Variants in DNAH6 observed in about 807,000 individuals in gnomAD.
DNAH6 encodes axonemal beta dynein heavy chain 6.
In DNAH6, 340 loss-of-function variants were observed where a neutral mutation model predicts 491.4. That is an observed-to-expected ratio of 0.69 (90% CI 0.63 to 0.76). The LOEUF is 0.76. DNAH6 is among the 30% of genes least tolerant of loss of function. The pLI is 0.00. For synonymous variants in DNAH6, 1,603 were observed against 1,686.1 expected (o/e 0.95, Z 1.21); for missense variants, 4,443 against 4,972.2 (o/e 0.89, Z 3.20).
chr2:84,611,213 A>T (rs73943312), intron 21 of DNAH6, among the ~76,000 whole-genome samples: 8,344 of 120,684 alleles, frequency 0.069, 745 homozygotes, highest in African/African-American at 0.31. Context: ...ACATATGCTG[A>T]CATGAGCAGG....
chr2:84,611,906 T>C (rs1686374692), intron 22 of DNAH6, 52 bp downstream of exon 22: 2 of 1,471,826 alleles, frequency 1.4e-6, no homozygotes, highest in Non-Finnish European at 1.8e-6. Flanking sequence ...TTTAGTAGTC[T>C]GGGACTTTAG....
Position 84,527,001 on chromosome 2 carries a change from GAGTT to G in DNAH6, c.399+1266_399+1269del, listed in dbSNP as rs567511672. Among the ~76,000 whole-genome samples, 19 of 152,252 alleles carry G rather than the reference GAGTT, an allele frequency of 1.2e-4. No homozygotes were observed. In the South Asian group the frequency reaches 3.9e-3, roughly 32 times the overall value. On this transcript the variant is annotated intron_variant, in intron 3 of 76. Transcript: ENST00000389394. ...GTCACTCAGTGAAGAACTCAGTAAAGAGTTAGGAATTAAAGAGAAATATGAAAAA... is the reference window on the plus strand; with the variant it reads ...GTCACTCAGTGAAGAACTCAGTAAAGAGGAATTAAAGAGAAATATGAAAAA...
intron 63 of DNAH6, among the ~76,000 whole-genome samples, chr2:84,746,014 A>G (rs1046722995): frequency 2.0e-5 from 3 of 152,204 alleles, no homozygotes; most frequent in Non-Finnish European, 2.9e-5. Flanking sequence ...GGCAACTGAT[A>G]TGGCCCCCAG....
At chr2:84,585,904 T>C (rs1307584314) in intron 15 of DNAH6, among the ~76,000 whole-genome samples, 1 of 152,186 alleles carries the variant, frequency 6.6e-6, no homozygotes, top group Non-Finnish European at 1.5e-5. Flanking sequence ...GTTCCTACAC[T>C]GGTCTGTGGG....
At chr2:84,472,259 C>T in the DNAH6 span, among the ~76,000 whole-genome samples, 19 of 151,792 alleles carry the variant, frequency 1.3e-4, no homozygotes, top group African/African-American at 4.6e-4. Context: ...TCCACTATTG[C>T]CTGTCCTTGT....
intron 35 of DNAH6, among the ~76,000 whole-genome samples, chr2:84,655,312 C>T (rs1262103061): frequency 6.6e-6 from 1 of 152,144 alleles, no homozygotes; most frequent in Non-Finnish European, 1.5e-5. Context: ...GGTACAATTC[C>T]ACCCAAAGTG....
intron 57 of DNAH6, among the ~76,000 whole-genome samples, chr2:84,715,090 A>G (rs986966081): frequency 2.6e-5 from 4 of 152,098 alleles, no homozygotes; most frequent in Non-Finnish European, 4.4e-5. Context: ...GACACACTGT[A>G]TCATAAGTAA....
chr2:84,722,690 G>T lies in DNAH6; in HGVS notation c.9858G>T (p.Val3286=), dbSNP rs1425933607. 3.2e-6 allele frequency: 5 copies of T among 1,549,940 alleles called. No homozygotes were observed. The African/African-American group carries it at 6.9e-5, about 21-fold the overall frequency. The change falls in exon 60 of 77, where the codon GTG becomes GTT. Residue 3286 remains valine, a synonymous_variant. Coordinates refer to ENST00000389394, the MANE Select transcript of DNAH6 (RefSeq NM_001370.2). ...EAESTEQMIN[V]AREKYRPVAT... Reference sequence around the variant, plus strand: ...AGTCCACTGAGCAGATGATCAATGTGGCTCGTGAGAAGTATCGTCCAGTGG... The same window carrying T: ...AGTCCACTGAGCAGATGATCAATGTTGCTCGTGAGAAGTATCGTCCAGTGG...
At chr2:84,585,851 T>G (rs1381469294) in intron 15 of DNAH6, among the ~76,000 whole-genome samples, 1 of 152,156 alleles carries the variant, frequency 6.6e-6, no homozygotes, top group Non-Finnish European at 1.5e-5. Flanking sequence ...GTGTACTGAT[T>G]GGCCCATGGG....
chr2:84,482,862 C>T, the DNAH6 span, among the ~76,000 whole-genome samples: 1 of 152,210 alleles, frequency 6.6e-6, no homozygotes, highest in African/African-American at 2.4e-5. Context: ...CAGCAGGATT[C>T]AAGCCCTGAG....
intron 64 of DNAH6, among the ~76,000 whole-genome samples, chr2:84,770,081 G>T (rs1675466943): frequency 6.6e-6 from 1 of 152,148 alleles, no homozygotes; most frequent in South Asian, 2.1e-4. Context: ...GGAAATTTTT[G>T]TTGTTGTTTC....
At chr2:84,613,610 T>C (rs766062405) in intron 22 of DNAH6, among the ~76,000 whole-genome samples, 5 of 152,090 alleles carry the variant, frequency 3.3e-5, no homozygotes, top group Admixed American at 6.6e-5. Flanking sequence ...ACCACAATTT[T>C]GGCATTTAAA....
At chr2:84,672,568 C>T (rs1366668496) in intron 40 of DNAH6, 84 bp downstream of exon 40, 3 of 1,245,098 alleles carry the variant, frequency 2.4e-6, no homozygotes, top group East Asian at 2.6e-5. Flanking sequence ...ACTACCATAA[C>T]AAAGTACCAC....
In DNAH6 at chr2:84,544,407, G is replaced by A; in HGVS notation, c.837G>A (p.Trp279Ter). Residue 279 changes from tryptophan to a stop codon, truncating the protein, a stop_gained, in exon 5 of 77, where the codon TGG becomes TGA. Coordinates refer to ENST00000389394, the MANE Select transcript of DNAH6 (RefSeq NM_001370.2). LOFTEE classifies it high-confidence loss of function. ...KIPIFSLFRKWKAFSVWRKNV... is the reference protein window; with the variant it reads ...KIPIFSLFRK ...CCATATTTTCACTGTTCCGGAAATG[G>A]AAGGCTTTTAGTGTATGGAGGAAGA... 3 of 1,544,280 alleles carry A rather than the reference G, an allele frequency of 1.9e-6. No individual in the cohort carries two copies. Among genetic ancestry groups the A allele is most frequent in the Non-Finnish European group, 2.6e-6 (3 of 1,140,436 alleles).
chr2:84,671,697 A>C (rs918276413), intron 39 of DNAH6, among the ~76,000 whole-genome samples: 4 of 152,018 alleles, frequency 2.6e-5, no homozygotes, highest in Non-Finnish European at 4.4e-5. Context: ...GGAGTGGAGC[A>C]CTCAGTTTGC....
In DNAH6 at chr2:84,602,727, TCTC is replaced by T. The variant is rs1685367608; in HGVS notation, c.2869-1609_2869-1607del. ...CTTCTGCTCTGTTTTCTGTCTCTCT[TCTC>T]CTTCTATGATTTCTGTGATATGTAC... On this transcript the variant is annotated intron_variant, in intron 18 of 76. Transcript: ENST00000389394. Among the ~76,000 whole-genome samples, 2 of 151,506 alleles carry T rather than the reference TCTC, an allele frequency of 1.3e-5. 1 individual carries two copies. The highest frequency in any genetic ancestry group is 4.2e-4 in the South Asian group (2 of 4,814).
chr2:84,701,230 G>T lies in DNAH6; in HGVS notation c.7952G>T (p.Arg2651Leu). 1 of 1,551,808 alleles carries T rather than the reference G, an allele frequency of 6.4e-7. No homozygotes were observed. The highest frequency in any genetic ancestry group is 8.7e-7 in the Non-Finnish European group (1 of 1,147,018). The change falls in exon 49 of 77, where the codon CGC becomes CTC. Residue 2651 changes from arginine to leucine, a missense_variant. Transcript: ENST00000389394. Reference protein sequence around the residue: ...VHLSVSSMAERYYNELRRRYY... With the variant: ...VHLSVSSMAELYYNELRRRYY... ...TTGAGTGTCTCCAGCATGGCAGAGC[G>T]CTATTACAATGAGCTGCGCAGGCGG...
chr2:84,691,882 G>A (rs1694891109), intron 45 of DNAH6, among the ~76,000 whole-genome samples: 1 of 152,204 alleles, frequency 6.6e-6, no homozygotes, highest in African/African-American at 2.4e-5. Flanking sequence ...ACAGGCCATA[G>A]TTTGCTGACC....
chr2:84,789,331 G>A (rs970539213), intron 68 of DNAH6, among the ~76,000 whole-genome samples: 2 of 152,190 alleles, frequency 1.3e-5, no homozygotes, highest in African/African-American at 2.4e-5. Flanking sequence ...GAAAATTAAA[G>A]TTGAGCAAAC....
Sources: gnomAD v4.1 joint callset for allele counts (sites outside exome capture counted in the v4.1 genomes callset) on GRCh38, gnomAD v4.1.1 for gene constraint, MANE v1.5 for transcripts, NCBI Gene and HGNC (gene_info 2026-07-23, HGNC 2026-07-21) for gene names.